Variants in GALNT15 observed in about 807,000 individuals in gnomAD.
GALNT15 encodes UDP-GalNAc transferase T15.
In GALNT15, 67 loss-of-function variants were observed where a neutral mutation model predicts 66.8. The ratio of observed to expected loss-of-function variants is 1.00; its 90% confidence interval spans 0.82 to 1.23. The LOEUF (loss-of-function observed/expected upper bound fraction) is 1.23, where lower values mean the gene tolerates loss of function less well. Ranked by LOEUF, GALNT15 falls within the 50% of genes most tolerant of loss-of-function variation. The pLI, the probability that GALNT15 is intolerant of heterozygous loss-of-function variation, is 0.00. For synonymous variants in GALNT15, 313 were observed against 311.5 expected (o/e 1.00, Z -0.05); for missense variants, 827 against 804.3 (o/e 1.03, Z -0.34).
the GALNT15 span, among the ~76,000 whole-genome samples, chr3:16,245,043 C>A: frequency 2.0e-5 from 3 of 152,140 alleles, no homozygotes; most frequent in African/African-American, 7.2e-5. Flanking sequence ...AGCAAGCACC[C>A]TGGCTTGCTA....
intron 6 of GALNT15, among the ~76,000 whole-genome samples, chr3:16,213,934 A>G (rs762518456): frequency 2.6e-4 from 40 of 152,094 alleles, no homozygotes; most frequent in Non-Finnish European, 3.8e-4. Context: ...AGGGCCTGGG[A>G]TGTGTCAGGG....
chr3:16,196,001 T>C (rs759248585), intron 2 of GALNT15, 75 bp downstream of exon 2: 3 of 1,485,594 alleles, frequency 2.0e-6, no homozygotes, highest in Admixed American at 3.7e-5. Context: ...AGCAAAAGAT[T>C]GAAGTTTGGA....
rs547250589 is a variant in GALNT15 at position 16,180,780 on chromosome 3, G to A, written c.539+5090G>A. Among the ~76,000 whole-genome samples the A allele has an allele frequency of 2.6e-5, 4 of 152,174 alleles. No individual in the cohort carries two copies. Among genetic ancestry groups the A allele is most frequent in the African/African-American group, 9.7e-5 (4 of 41,444 alleles). On this transcript the variant is annotated intron_variant, in intron 1 of 9. Coordinates refer to ENST00000339732, the MANE Select transcript of GALNT15 (RefSeq NM_054110.5). This position sits in a 1 kb window ranked among gnomAD's most constrained non-coding sequence, Gnocchi z 5.0. ...CCCTAAACATAAATGTCAACTCAGCGGTAGCTGGCTGTGTGCTACCTGCTT... is the reference window on the plus strand; with the variant it reads ...CCCTAAACATAAATGTCAACTCAGCAGTAGCTGGCTGTGTGCTACCTGCTT...
chr3:16,198,453 G>A (rs1338290100), intron 2 of GALNT15, among the ~76,000 whole-genome samples: 1 of 142,230 alleles, frequency 7.0e-6, no homozygotes, highest in East Asian at 2.1e-4. Flanking sequence ...CGAGAGATAC[G>A]TGTTTTTAGC....
chr3:16,229,488 T>C lies in GALNT15; in HGVS notation c.*1988T>C, dbSNP rs1011420544. ...TGGACCAATCTAGATAGATTCATTA[T>C]CCCATCTAGAGAAGAGACTTTAGTC... On this transcript the variant is annotated 3_prime_UTR_variant, in exon 10 of 10. Coordinates refer to ENST00000339732, the MANE Select transcript of GALNT15 (RefSeq NM_054110.5). 3 of 982,496 alleles carry C rather than the reference T, an allele frequency of 3.1e-6. No individual in the cohort carries two copies. Among genetic ancestry groups the C allele is most frequent in the Non-Finnish European group, 3.6e-6 (3 of 827,240 alleles). 60.9% of individuals were successfully genotyped at this position (982,496 alleles called of 1,614,324 possible).
the GALNT15 span, among the ~76,000 whole-genome samples, chr3:16,241,343 A>T: frequency 6.6e-6 from 1 of 152,190 alleles, no homozygotes; most frequent in Non-Finnish European, 1.5e-5. The surrounding 1 kb of genome is among the most constrained non-coding windows in gnomAD (Gnocchi z 4.6). Flanking sequence ...AGTGGAAAAG[A>T]AAAATTACAG....
Position 16,204,437 on chromosome 3 carries a change from T to C in GALNT15, c.911+3614T>C, listed in dbSNP as rs2063736454. Among the ~76,000 whole-genome samples, 1 of 152,206 alleles carries C rather than the reference T, an allele frequency of 6.6e-6. No individual in the cohort carries two copies. Among genetic ancestry groups the C allele is most frequent in the South Asian group, 2.1e-4 (1 of 4,838 alleles). On this transcript the variant is annotated intron_variant, in intron 3 of 9. Coordinates refer to ENST00000339732, the MANE Select transcript of GALNT15 (RefSeq NM_054110.5). The surrounding 1 kb of genome is among the most constrained non-coding windows in gnomAD (Gnocchi z 4.5). ...AGTGCGCAACTCCTGTAACTGTTCA[T>C]AGCAACCCTACATAGAGTCTCCCTA...
In GALNT15 at chr3:16,195,972, CT is replaced by C. The variant is rs1187891490; in HGVS notation, c.706+47del. Reference sequence around the variant, plus strand: ...GGCTCGTCTGGGTGAGCCTTACCCCCTGGCGGGTGGAGTTCTCAAGCAAAAG... The same window carrying C: ...GGCTCGTCTGGGTGAGCCTTACCCCCGGCGGGTGGAGTTCTCAAGCAAAAG... On this transcript the variant is annotated intron_variant, in intron 2 of 9. Coordinates refer to ENST00000339732, the MANE Select transcript of GALNT15 (RefSeq NM_054110.5). The surrounding 1 kb of genome is among the most constrained non-coding windows in gnomAD (Gnocchi z 4.6). The C allele has an allele frequency of 3.1e-6, 5 of 1,594,642 alleles. No individual in the cohort carries two copies. In the African/African-American group the frequency reaches 4.0e-5, roughly 13 times the overall value.
chr3:16,181,773 C>T lies in GALNT15; in HGVS notation c.539+6083C>T, dbSNP rs530577303. Among the ~76,000 whole-genome samples the T allele has an allele frequency of 2.0e-5, 3 of 152,262 alleles. No homozygotes were observed. The highest frequency in any genetic ancestry group is 7.2e-5 in the African/African-American group (3 of 41,558). On this transcript the variant is annotated intron_variant, in intron 1 of 9. Coordinates refer to ENST00000339732, the MANE Select transcript of GALNT15 (RefSeq NM_054110.5). The surrounding 1 kb of genome is among the most constrained non-coding windows in gnomAD (Gnocchi z 5.9). ...GGCTGGAACTTAGCTCAATTCCCCC[C>T]ACAAGAGAGGGAAGACAACCCAGTA...
rs989402031 is a variant in GALNT15 at position 16,176,296 on chromosome 3, T to C, written c.539+606T>C. Among the ~76,000 whole-genome samples, 7 of 152,256 alleles carry C rather than the reference T, an allele frequency of 4.6e-5. No homozygotes were observed. The highest frequency in any genetic ancestry group is 1.7e-4 in the African/African-American group (7 of 41,462). On this transcript the variant is annotated intron_variant, in intron 1 of 9. Transcript: ENST00000339732. This position sits in a 1 kb window ranked among gnomAD's most constrained non-coding sequence, Gnocchi z 5.6. Reference sequence around the variant, plus strand: ...AGCTCTGCAAGATGGGTGCTAGTAGTATCATCATGCTTATTCTATAGGTAT... The same window carrying C: ...AGCTCTGCAAGATGGGTGCTAGTAGCATCATCATGCTTATTCTATAGGTAT...
intron 9 of GALNT15, among the ~76,000 whole-genome samples, chr3:16,226,443 C>G (rs2064019500): frequency 1.3e-5 from 2 of 152,120 alleles, no homozygotes; most frequent in African/African-American, 4.8e-5. Context: ...GCAGGCTGCA[C>G]AGGAAGCATG....
At chr3:16,213,524 C>T (rs1298810716) in intron 6 of GALNT15, among the ~76,000 whole-genome samples, 1 of 151,186 alleles carries the variant, frequency 6.6e-6, no homozygotes, top group Non-Finnish European at 1.5e-5. Context: ...TTTAAATGTC[C>T]ACAAACAGCA....
In GALNT15 at chr3:16,188,722, C is replaced by G. The variant is rs188895502; in HGVS notation, c.540-7038C>G. 6.6e-6 allele frequency among the ~76,000 whole-genome samples: 1 copy of G among 152,186 alleles called. No homozygotes were observed. The highest frequency in any genetic ancestry group is 1.5e-5 in the Non-Finnish European group (1 of 68,032). ...GCTTCTCTGAATTGCTGCTCAAACC[C>G]TCCTCCTAGTTCTGGTCTACCCACC... On this transcript the variant is annotated intron_variant, in intron 1 of 9. Transcript: ENST00000339732. The surrounding 1 kb of genome is among the most constrained non-coding windows in gnomAD (Gnocchi z 4.6).
At chr3:16,206,518 C>T (rs1283527651) in intron 3 of GALNT15, among the ~76,000 whole-genome samples, 7 of 151,224 alleles carry the variant, frequency 4.6e-5, no homozygotes, top group Non-Finnish European at 8.9e-5. Context: ...ACTAAAAATA[C>T]AAAAATTAGC....
In GALNT15 at chr3:16,229,349, T is replaced by C; in HGVS notation, c.*1849T>C. On this transcript the variant is annotated 3_prime_UTR_variant, in exon 10 of 10. Transcript: ENST00000339732. ...ATTAAAATCAAAGAAAATTTAAAAC[T>C]CAATTCCTCAATTGGGCTGGCCACA... The C allele has an allele frequency of 1.1e-6, 1 of 871,772 alleles. No individual in the cohort carries two copies. The highest frequency in any genetic ancestry group is 1.4e-6 in the Non-Finnish European group (1 of 726,496). The allele number at this position is 871,772 out of a possible 1,614,324, so 54.0% of individuals were successfully genotyped here.
At chr3:16,226,719 T>C (rs1464767604) in intron 9 of GALNT15, among the ~76,000 whole-genome samples, 1 of 152,214 alleles carries the variant, frequency 6.6e-6, no homozygotes, top group African/African-American at 2.4e-5. Flanking sequence ...AACCAAACCA[T>C]ATCAATCTCA....
At chr3:16,233,176 A>T (rs1403650631), downstream of GALNT15, among the ~76,000 whole-genome samples, 1 of 135,672 alleles carries the variant, frequency 7.4e-6, no homozygotes, top group African/African-American at 2.9e-5. Flanking sequence ...ATTCACTGCA[A>T]ACTCCACCTC....
At chr3:16,212,525 T>C in intron 5 of GALNT15, 44 bp from the exon 6 acceptor site, 1 of 1,570,332 alleles carries the variant, frequency 6.4e-7, no homozygotes, top group South Asian at 1.2e-5. Flanking sequence ...CCGCCGTTCT[T>C]AAAGGTGGAA....
At chr3:16,205,165 C>T (rs1419435410) in intron 3 of GALNT15, among the ~76,000 whole-genome samples, 1 of 152,190 alleles carries the variant, frequency 6.6e-6, no homozygotes, top group Non-Finnish European at 1.5e-5. Context: ...GCAGCAAGAG[C>T]ACTGGGAAGG....
Sources: gnomAD v4.1 joint callset for allele counts (sites outside exome capture counted in the v4.1 genomes callset) on GRCh38, gnomAD v4.1.1 for gene constraint, Gnocchi (gnomAD v3.1) non-coding constraint, MANE v1.5 for transcripts, NCBI Gene and HGNC (gene_info 2026-07-23, HGNC 2026-07-21) for gene names.